Variants in FIG4 observed in about 807,000 individuals in gnomAD.
FIG4 encodes FIG4 phosphoinositide 5-phosphatase.
In FIG4, 112 loss-of-function variants were observed where a neutral mutation model predicts 118.6. The observed-to-expected ratio is 0.94, with a 90% CI of 0.81 to 1.11. The LOEUF is 1.11. Ranked by LOEUF, FIG4 falls within the 50% of genes least tolerant of loss-of-function variation. FIG4 has a pLI of 0.00. For missense variants in FIG4, 969 were observed against 1,111.7 expected, an observed-to-expected ratio of 0.87 and a Z score of 1.83; for synonymous variants, 369 against 381.2, an observed-to-expected ratio of 0.97 and a Z score of 0.37.
chr6:109,812,226 C>A (rs1778738179), intron 22 of FIG4, among the ~76,000 whole-genome samples: 1 of 152,126 alleles, frequency 6.6e-6, no homozygotes, highest in African/African-American at 2.4e-5. Context: ...GTCAAGCAAA[C>A]CCCTTTTCTC....
chr6:109,803,093 T>C (rs1317986116), intron 22 of FIG4, among the ~76,000 whole-genome samples: 1 of 151,994 alleles, frequency 6.6e-6, no homozygotes, highest in East Asian at 1.9e-4. Flanking sequence ...AAGGGACAGG[T>C]AGAAACAAGA....
At position 109,813,528 on chromosome 6, in the gene FIG4, C is replaced by T. The variant is rs147814425; in HGVS notation, c.2547-11560C>T. Among the ~76,000 whole-genome samples, 16 of 152,238 alleles carry T rather than the reference C, an allele frequency of 1.1e-4. No homozygotes were observed. In the East Asian group the frequency reaches 2.7e-3, roughly 26 times the overall value. ...TTCCTTGATTTTTATGACCTTGACACGTTGAAGAATGCAGGCCAGTTATTT... is the reference window on the plus strand; with the variant it reads ...TTCCTTGATTTTTATGACCTTGACATGTTGAAGAATGCAGGCCAGTTATTT... On this transcript the variant is annotated intron_variant, in intron 22 of 22. Coordinates refer to ENST00000230124, the MANE Select transcript of FIG4 (RefSeq NM_014845.6).
chr6:109,809,628 C>T (rs984921620), intron 22 of FIG4, among the ~76,000 whole-genome samples: 1 of 152,110 alleles, frequency 6.6e-6, no homozygotes, highest in Non-Finnish European at 1.5e-5. Flanking sequence ...ATGTTACAGC[C>T]TTGCTCAGTA....
At chr6:109,803,405 T>A (rs1447582445) in intron 22 of FIG4, among the ~76,000 whole-genome samples, 1 of 152,072 alleles carries the variant, frequency 6.6e-6, no homozygotes, top group Non-Finnish European at 1.5e-5. Flanking sequence ...AGGCCAGGGG[T>A]TTTATAGCTT....
intron 21 of FIG4, among the ~76,000 whole-genome samples, chr6:109,795,095 GTTTTTTTTTTTTTTTTTT>G (rs571649446): frequency 1.7e-3 from 99 of 57,244 alleles, no homozygotes; most frequent in African/African-American, 5.3e-3. Context: ...ACACTTGCCA[GTTTTTTTTTTTTTTTTTT>G]TTTTTTTTTT....
intron 9 of FIG4, 137 bp from the exon 10 acceptor site, chr6:109,743,538 A>G (rs563103815): frequency 2.7e-6 from 2 of 732,016 alleles, no homozygotes; most frequent in African/African-American, 3.5e-5. Flanking sequence ...TCTAGTGAGC[A>G]TCTTAAGAAG....
chr6:109,800,567 G>A (rs573425653), intron 22 of FIG4, among the ~76,000 whole-genome samples: 8 of 152,134 alleles, frequency 5.3e-5, no homozygotes, highest in African/African-American at 1.2e-4. Context: ...TTTTTAGAGG[G>A]CAACCCATCT....
rs549475795 is a variant in FIG4 at position 109,755,892 on chromosome 6, T to C, written c.1138-4358T>C. The stretch of plus-strand genomic sequence containing the variant: ...TGATGGGTCTTTACTCTTTATCCAA[T>C]TTGCCAGTCTGTGTCTTTTAATTGG... On this transcript the variant is annotated intron_variant, in intron 10 of 22. Transcript: ENST00000230124. Among the ~76,000 whole-genome samples the C allele has an allele frequency of 8.5e-5, 13 of 152,352 alleles. No homozygotes were observed. In the South Asian group the frequency reaches 2.5e-3, roughly 29 times the overall value.
intron 1 of FIG4, among the ~76,000 whole-genome samples, chr6:109,709,773 G>A (rs936571654): frequency 3.9e-5 from 6 of 152,104 alleles, no homozygotes; most frequent in African/African-American, 1.2e-4. Flanking sequence ...ACTGTTGTTG[G>A]TGTATAGGAA....
intron 4 of FIG4, among the ~76,000 whole-genome samples, chr6:109,729,793 TA>T (rs1775935153): frequency 6.8e-6 from 1 of 146,552 alleles, no homozygotes; most frequent in Non-Finnish European, 1.5e-5. Flanking sequence ...AAAAAAAGAT[TA>T]AAAGAAGAAA....
chr6:109,753,762 A>G (rs1776789473), intron 10 of FIG4, among the ~76,000 whole-genome samples: 1 of 152,136 alleles, frequency 6.6e-6, no homozygotes, highest in Non-Finnish European at 1.5e-5. Flanking sequence ...GTGTATAAGA[A>G]TGCTTGTGAT....
chr6:109,804,325 G>A (rs987386336), intron 22 of FIG4, among the ~76,000 whole-genome samples: 1 of 152,120 alleles, frequency 6.6e-6, no homozygotes, highest in African/African-American at 2.4e-5. Context: ...GGCAGATGGA[G>A]TGATTATTGA....
At chr6:109,722,551 A>G (rs1304278846) in intron 3 of FIG4, among the ~76,000 whole-genome samples, 1 of 152,090 alleles carries the variant, frequency 6.6e-6, no homozygotes, top group Admixed American at 6.5e-5. Context: ...CAGAGAGAGA[A>G]ACAAAGGGAA....
chr6:109,753,254 A>T (rs997651496), intron 10 of FIG4, among the ~76,000 whole-genome samples: 2 of 152,094 alleles, frequency 1.3e-5, no homozygotes, highest in African/African-American at 2.4e-5. Context: ...ATGGCCGTAG[A>T]CGATGCGGTG....
intron 10 of FIG4, among the ~76,000 whole-genome samples, chr6:109,754,776 C>G (rs752733211): frequency 6.6e-6 from 1 of 152,066 alleles, no homozygotes; most frequent in African/African-American, 2.4e-5. Flanking sequence ...TCTGTGGGAT[C>G]GGTGGTGATA....
rs535713581 is a variant in FIG4 at position 109,824,729 on chromosome 6, C to T, written c.2547-359C>T. Among the ~76,000 whole-genome samples the T allele has an allele frequency of 1.1e-4, 16 of 152,172 alleles. 1 individual carries two copies. The South Asian group carries it at 1.4e-3, about 14-fold the overall frequency. ...CCCTTAAAAACCAGTGAGTCCCTAGCGTGTGCCAAGGAAAAAGAGCAAAAA... is the reference window on the plus strand; with the variant it reads ...CCCTTAAAAACCAGTGAGTCCCTAGTGTGTGCCAAGGAAAAAGAGCAAAAA... On this transcript the variant is annotated intron_variant, in intron 22 of 22. Transcript: ENST00000230124.
chr6:109,695,398 G>A (rs1422025454), intron 1 of FIG4, among the ~76,000 whole-genome samples: 1 of 152,208 alleles, frequency 6.6e-6, no homozygotes, highest in Non-Finnish European at 1.5e-5. Flanking sequence ...AACTCTTGCA[G>A]AATTCCCATG....
intron 15 of FIG4, 152 bp downstream of exon 15, chr6:109,767,047 T>G (rs886835042): frequency 1.5e-6 from 1 of 664,664 alleles, no homozygotes; most frequent in Non-Finnish European, 2.6e-6. Flanking sequence ...CAGTAAATAT[T>G]TGTCCAATAA....
At chr6:109,714,824 A>G (rs1775377381) in intron 1 of FIG4, among the ~76,000 whole-genome samples, 2 of 152,216 alleles carry the variant, frequency 1.3e-5, no homozygotes, top group Admixed American at 1.3e-4. Flanking sequence ...AATTAAATTC[A>G]TCTGACCTGG....
Sources: gnomAD v4.1 joint callset for allele counts (sites outside exome capture counted in the v4.1 genomes callset) on GRCh38, gnomAD v4.1.1 for gene constraint, MANE v1.5 for transcripts, NCBI Gene and HGNC (gene_info 2026-07-23, HGNC 2026-07-21) for gene names.